Variants in ACSBG1 observed in about 807,000 individuals in gnomAD.
ACSBG1 encodes the protein long-chain-fatty-acid--CoA ligase ACSBG1.
Under a neutral mutation model 80.2 loss-of-function variants are expected in ACSBG1, and 39 were observed. The observed-to-expected ratio is 0.49, with a 90% CI of 0.38 to 0.64. ACSBG1 has a LOEUF of 0.64. ACSBG1 is among the 30% of genes least tolerant of loss of function. ACSBG1 has a pLI of 0.00. For synonymous variants in ACSBG1, 392 were observed against 379.5 expected, an observed-to-expected ratio of 1.03 and a Z score of -0.38; for missense variants, 828 against 966.4, an observed-to-expected ratio of 0.86 and a Z score of 1.90.
At chr15:78,196,375 C>T (rs2075115172) in intron 2 of ACSBG1, among the ~76,000 whole-genome samples, 2 of 152,206 alleles carry the variant, frequency 1.3e-5, no homozygotes. Context: ...GTCAGGTACA[C>T]CTGGGTTCAA....
chr15:78,224,924 A>G (rs2075387954), intron 1 of ACSBG1, among the ~76,000 whole-genome samples: 1 of 152,196 alleles, frequency 6.6e-6, no homozygotes, highest in African/African-American at 2.4e-5. Flanking sequence ...AATGACTGGA[A>G]AGGAAGAAGT....
chr15:78,199,555 T>G (rs997648986), intron 2 of ACSBG1, among the ~76,000 whole-genome samples: 4 of 152,054 alleles, frequency 2.6e-5, no homozygotes, highest in Non-Finnish European at 4.4e-5. Flanking sequence ...TACAAAAATT[T>G]ATCCAGGTGT....
At chr15:78,191,397 TACCA>T (rs773596015) in intron 5 of ACSBG1, among the ~76,000 whole-genome samples, 16 of 152,216 alleles carry the variant, frequency 1.1e-4, no homozygotes, top group Non-Finnish European at 1.6e-4. Flanking sequence ...ATTAAAATAC[TACCA>T]ACCAACTTGA....
Position 78,178,785 on chromosome 15 carries a change from C to T in ACSBG1, c.1531G>A (p.Asp511Asn). ...CAGATCTCGCCAATGCCCTCTGCGTCCTGGTTCACCAGCTTCACCCGACAG... is the reference window on the plus strand; with the variant it reads ...CAGATCTCGCCAATGCCCTCTGCGTTCTGGTTCACCAGCTTCACCCGACAG... ...PGCRVKLVNQ[D>N]AEGIGEICLW... Residue 511 changes from aspartate (D) to asparagine (N), a missense_variant, in exon 11 of 14, where the codon GAC becomes AAC. Physicochemically the swap from Asp to Asn is conservative, Grantham distance 23 (BLOSUM62 1). Transcript: ENST00000258873. This position sits in a 1 kb window ranked among gnomAD's most constrained non-coding sequence, Gnocchi z 4.3. 6.2e-7 allele frequency: 1 copy of T among 1,613,920 alleles called. No individual in the cohort carries two copies. Among genetic ancestry groups the T allele is most frequent in the African/African-American group, 1.3e-5 (1 of 75,060 alleles).
At chr15:78,214,121 A>C (rs917376106) in intron 1 of ACSBG1, among the ~76,000 whole-genome samples, 18 of 152,058 alleles carry the variant, frequency 1.2e-4, no homozygotes, top group African/African-American at 4.1e-4. Context: ...ATATCCCTGC[A>C]CCTTGCGCTG....
rs1296647753 is a variant in ACSBG1, at chr15:78,234,484, T to A, written c.18A>T (p.Gly6=). ...CCCCGTGTGGGCAGCCGTATCCAGC[T>A]CCAGAATTGCGTGGCATCTGCCTCG... MPRNS[G]AGYGCPHGDP... The change falls in exon 1 of 14, where the codon GGA becomes GGT. Residue 6 remains glycine (G), a synonymous_variant. Coordinates refer to ENST00000258873, the MANE Select transcript of ACSBG1 (RefSeq NM_015162.5). The A allele has an allele frequency of 2.5e-6, 4 of 1,610,752 alleles. No individual in the cohort carries two copies. Among genetic ancestry groups the A allele is most frequent in the Non-Finnish European group, 3.4e-6 (4 of 1,179,572 alleles).
At chr15:78,176,665 C>G (rs1017022361) in intron 11 of ACSBG1, among the ~76,000 whole-genome samples, 1 of 152,134 alleles carries the variant, frequency 6.6e-6, no homozygotes. Context: ...TGGCTCACAC[C>G]TATAATCCCA....
At chr15:78,198,410 G>A (rs2075134641) in intron 2 of ACSBG1, among the ~76,000 whole-genome samples, 1 of 150,758 alleles carries the variant, frequency 6.6e-6, no homozygotes, top group Non-Finnish European at 1.5e-5. Context: ...GCAGTGGCAC[G>A]ATCTTGGCTC....
chr15:78,180,215 C>T (rs2074928198), intron 9 of ACSBG1, among the ~76,000 whole-genome samples: 1 of 152,204 alleles, frequency 6.6e-6, no homozygotes, highest in Non-Finnish European at 1.5e-5. Context: ...GCTGTGGATG[C>T]ACAGATATGT....
chr15:78,207,917 T>TGCCCC, intron 2 of ACSBG1, 85 bp downstream of exon 2: 5 of 876,066 alleles, frequency 5.7e-6, no homozygotes, highest in East Asian at 2.7e-5. Context: ...TGTGTGGTGG[T>TGCCCC]CCCCCACACC....
Position 78,193,910 on chromosome 15 carries a change from C to G in ACSBG1, c.542+22G>C, listed in dbSNP as rs201061781. 3.7e-6 allele frequency: 6 copies of G among 1,612,622 alleles called. No homozygotes were observed. The Admixed American group carries it at 8.3e-5, about 22-fold the overall frequency. ...CCCACTGCCAACCCCCTGGAGACCC[C>G]GTCCCTGCCCCCGCCACTCACCCTG... On this transcript the variant is annotated intron_variant, in intron 4 of 13. Coordinates refer to ENST00000258873, the MANE Select transcript of ACSBG1 (RefSeq NM_015162.5).
rs1217870225 is a variant in ACSBG1, at chr15:78,168,383, G to A, written c.*3061C>T. 3.3e-5 allele frequency: 5 copies of A among 152,132 alleles called. No individual in the cohort carries two copies. The highest frequency in any genetic ancestry group is 6.5e-5 in the Admixed American group (1 of 15,268). 9.4% of individuals were successfully genotyped at this position (152,132 alleles called of 1,614,324 possible). Reference sequence around the variant, plus strand: ...ATGCACTTGTAATTCCAGCTATTCAGGACGCTGAGGCAGGAGAATCGCTTG... The same window carrying A: ...ATGCACTTGTAATTCCAGCTATTCAAGACGCTGAGGCAGGAGAATCGCTTG... On this transcript the variant is annotated 3_prime_UTR_variant, in exon 14 of 14. Transcript: ENST00000258873.
At position 78,194,002 on chromosome 15, in the gene ACSBG1, G is replaced by A. The variant is rs147836038; in HGVS notation, c.472C>T (p.His158Tyr). The change falls in exon 4 of 14, where the codon CAC (histidine) becomes TAC (tyrosine). Residue 158 changes from histidine to tyrosine, a missense_variant. Transcript: ENST00000258873. The stretch of plus-strand genomic sequence containing the variant: ...TTGAAGCCGAGGATGGCCACACTGT[G>A]GGCCTGCTTCAGGCCGAGCTCCAGG... ...GFLKLGLKQA[H>Y]SVAILGFNSP... 27 of 1,613,884 alleles carry A rather than the reference G, an allele frequency of 1.7e-5. No homozygotes were observed. In the Middle Eastern group the frequency reaches 6.6e-4, roughly 39 times the overall value.
chr15:78,225,578 T>C (rs1311156537), intron 1 of ACSBG1, among the ~76,000 whole-genome samples: 1 of 152,158 alleles, frequency 6.6e-6, no homozygotes, highest in African/African-American at 2.4e-5. Context: ...CCTCAATTAA[T>C]GGAAATGCAT....
In ACSBG1 at chr15:78,221,251, C is replaced by T. The variant is rs934808138; in HGVS notation, c.131+13120G>A. On this transcript the variant is annotated intron_variant, in intron 1 of 13. Transcript: ENST00000258873. Reference sequence around the variant, plus strand: ...GTATTGATTACTATTTTCACTATCTCGGTAAGGGGAGTGCAGCAGAATGGG... The same window carrying T: ...GTATTGATTACTATTTTCACTATCTTGGTAAGGGGAGTGCAGCAGAATGGG... Among the ~76,000 whole-genome samples, 6 of 152,082 alleles carry T rather than the reference C, an allele frequency of 3.9e-5. No homozygotes were observed. The East Asian group carries it at 7.7e-4, about 20-fold the overall frequency.
chr15:78,183,724 C>T (rs1401413476), intron 5 of ACSBG1, among the ~76,000 whole-genome samples: 2 of 151,892 alleles, frequency 1.3e-5, no homozygotes, highest in Non-Finnish European at 2.9e-5. Context: ...ATGTAAATGT[C>T]TTAACCATTT....
intron 2 of ACSBG1, among the ~76,000 whole-genome samples, chr15:78,206,927 T>G (rs955672252): frequency 1.3e-5 from 2 of 152,152 alleles, no homozygotes; most frequent in Non-Finnish European, 2.9e-5. Flanking sequence ...GTGCCATCAC[T>G]CATACTCAGG....
Position 78,234,364 on chromosome 15 carries a change from G to A in ACSBG1, c.131+7C>T. The A allele has an allele frequency of 6.2e-7, 1 of 1,609,192 alleles. No individual in the cohort carries two copies. The highest frequency in any genetic ancestry group is 8.5e-7 in the Non-Finnish European group (1 of 1,179,950). ...TGCAGTGTGCAGAAACCCAACCAATGACTTACCTGGTTTTCAATTTTTCTT... is the reference window on the plus strand; with the variant it reads ...TGCAGTGTGCAGAAACCCAACCAATAACTTACCTGGTTTTCAATTTTTCTT... On this transcript the variant is annotated splice_region_variant and intron_variant, in intron 1 of 13. Transcript: ENST00000258873.
intron 1 of ACSBG1, among the ~76,000 whole-genome samples, chr15:78,226,957 C>T (rs1251921596): frequency 6.6e-6 from 1 of 150,872 alleles, no homozygotes; most frequent in East Asian, 1.9e-4. Flanking sequence ...TGGTGGCTCA[C>T]ACCTGTAATC....
Sources: gnomAD v4.1 joint callset for allele counts (sites outside exome capture counted in the v4.1 genomes callset) on GRCh38, gnomAD v4.1.1 for gene constraint, Gnocchi (gnomAD v3.1) non-coding constraint, MANE v1.5 for transcripts, NCBI Gene and HGNC (gene_info 2026-07-23, HGNC 2026-07-21) for gene names.